Variants in ZFYVE1 observed in about 807,000 individuals in gnomAD.
ZFYVE1 encodes the protein zinc finger FYVE-type containing 1, also known as zinc finger FYVE domain-containing protein 1.
ZFYVE1 carries 30 observed loss-of-function variants against 74.4 expected under a neutral mutation model. The observed-to-expected ratio is 0.40, with a 90% CI of 0.30 to 0.55. ZFYVE1 has a LOEUF of 0.55. ZFYVE1 is among the 20% of genes least tolerant of loss of function. ZFYVE1 has a pLI of 0.42. For missense variants in ZFYVE1, 703 were observed against 1,011.6 expected, an observed-to-expected ratio of 0.69 and a Z score of 4.14; for synonymous variants, 335 against 385.1, an observed-to-expected ratio of 0.87 and a Z score of 1.52.
At chr14:73,008,288 T>C (rs979142277) in intron 2 of ZFYVE1, among the ~76,000 whole-genome samples, 4 of 152,224 alleles carry the variant, frequency 2.6e-5, no homozygotes, top group African/African-American at 9.6e-5. Flanking sequence ...GCTTCCTAAG[T>C]AGCTGGGATT....
chr14:73,000,476 C>T (rs1567356829), intron 2 of ZFYVE1, among the ~76,000 whole-genome samples: 1 of 151,904 alleles, frequency 6.6e-6, no homozygotes, highest in South Asian at 2.1e-4. Flanking sequence ...TGGTGGTATG[C>T]GCCTGTAATC....
chr14:72,979,589 G>A (rs1367794334), intron 5 of ZFYVE1, among the ~76,000 whole-genome samples: 2 of 151,748 alleles, frequency 1.3e-5, no homozygotes, highest in African/African-American at 2.4e-5. Flanking sequence ...AGGAGGCGGA[G>A]GTTGCAGTAA....
At chr14:72,993,401 TAAAA>T (rs374753534) in intron 3 of ZFYVE1, 44 bp from the exon 4 acceptor site, 39 of 1,225,952 alleles carry the variant, frequency 3.2e-5, no homozygotes, top group South Asian at 1.1e-4. Flanking sequence ...GAGTGACATT[TAAAA>T]AAAAAAAAAA....
At chr14:73,005,567 G>C (rs1308637336) in intron 2 of ZFYVE1, among the ~76,000 whole-genome samples, 1 of 152,180 alleles carries the variant, frequency 6.6e-6, no homozygotes, top group African/African-American at 2.4e-5. Flanking sequence ...GCCACTACAG[G>C]CTTTGAAACC....
intron 2 of ZFYVE1, 66 bp downstream of exon 2, chr14:73,023,960 G>A (rs570708935): frequency 2.6e-6 from 4 of 1,547,296 alleles, no homozygotes; most frequent in Admixed American, 1.9e-5. Flanking sequence ...ATCGTTTTTT[G>A]AGAGCTGGCT....
intron 2 of ZFYVE1, among the ~76,000 whole-genome samples, chr14:73,009,071 G>A (rs1171061889): frequency 6.6e-6 from 1 of 152,128 alleles, no homozygotes; most frequent in Admixed American, 6.6e-5. Flanking sequence ...AGTGCCTGAC[G>A]CAAAATAGGA....
chr14:72,997,548 A>G (rs1177258674), intron 3 of ZFYVE1, among the ~76,000 whole-genome samples: 1 of 152,010 alleles, frequency 6.6e-6, no homozygotes, highest in Non-Finnish European at 1.5e-5. Flanking sequence ...ACCCCCCACC[A>G]TCTCAGGGAA....
intron 3 of ZFYVE1, among the ~76,000 whole-genome samples, chr14:72,997,370 AT>A (rs147301387): frequency 1.5e-4 from 22 of 149,550 alleles, no homozygotes; most frequent in South Asian, 4.2e-4. Flanking sequence ...TCCTAATCTT[AT>A]TTTTTTTTTA....
intron 2 of ZFYVE1, among the ~76,000 whole-genome samples, chr14:73,011,542 T>TG (rs1894091810): frequency 6.6e-6 from 1 of 151,714 alleles, no homozygotes; most frequent in African/African-American, 2.4e-5. Flanking sequence ...ATTTTTGAGA[T>TG]GGAGTCTTGC....
At chr14:73,004,727 G>C (rs1459414919) in intron 2 of ZFYVE1, among the ~76,000 whole-genome samples, 4 of 152,148 alleles carry the variant, frequency 2.6e-5, no homozygotes, top group African/African-American at 9.7e-5. Flanking sequence ...GCCAGGTGCA[G>C]TGGCTCACAC....
chr14:72,990,742 G>A (rs371066749), intron 4 of ZFYVE1, among the ~76,000 whole-genome samples: 2 of 127,068 alleles, frequency 1.6e-5, no homozygotes, highest in African/African-American at 3.0e-5. Context: ...CTGTTGCCTG[G>A]GCTAGAGTAC....
Position 72,974,091 on chromosome 14 carries a change from T to C in ZFYVE1, c.2090A>G (p.Asp697Gly). The change falls in exon 11 of 12, where the codon GAC becomes GGC. Residue 697 changes from aspartate to glycine, a missense_variant. Around this residue, in one of 2 missense-constraint regions of ZFYVE1, gnomAD observed 492 missense variants for 790.0 expected, o/e 0.62. Coordinates refer to ENST00000556143, the MANE Select transcript of ZFYVE1 (RefSeq NM_021260.4). ...ACTGCCAGGCCCACCTAGTGGTATG[T>C]CAATGGCTGTCACCACGGCTCCCAG... Reference protein sequence around the residue: ...NTLGAVVTAIDIPLGLVKDAA... With the variant: ...NTLGAVVTAIGIPLGLVKDAA... The C allele has an allele frequency of 6.2e-7, 1 of 1,613,906 alleles. No individual in the cohort carries two copies. Among genetic ancestry groups the C allele is most frequent in the Non-Finnish European group, 8.5e-7 (1 of 1,179,866 alleles).
Position 72,975,991 on chromosome 14 carries a change from G to C in ZFYVE1, c.1636-270C>G. On this transcript the variant is annotated intron_variant, in intron 8 of 11. Transcript: ENST00000556143. The surrounding 1 kb of genome is among the most constrained non-coding windows in gnomAD (Gnocchi z 4.1). ...TCCTCCAGGGGGCCCCGCACCGCAG[G>C]CTGAGTTAAGAACCTTTCCTCTCAG... 5.7e-6 allele frequency: 2 copies of C among 352,734 alleles called. No individual in the cohort carries two copies. Among genetic ancestry groups the C allele is most frequent in the Non-Finnish European group, 1.0e-5 (2 of 194,356 alleles). 21.9% of individuals were successfully genotyped at this position (352,734 alleles called of 1,614,324 possible).
At chr14:72,983,449 G>C (rs1893395585) in intron 4 of ZFYVE1, among the ~76,000 whole-genome samples, 1 of 149,532 alleles carries the variant, frequency 6.7e-6, no homozygotes, top group Non-Finnish European at 1.5e-5. Context: ...AGAACATGCG[G>C]TGTTTGGTTT....
At chr14:73,025,215 C>T (rs1303570073) in intron 1 of ZFYVE1, among the ~76,000 whole-genome samples, 1 of 151,770 alleles carries the variant, frequency 6.6e-6, no homozygotes, top group South Asian at 2.1e-4. Context: ...ATTACACGCG[C>T]TAGCCACAAT....
At position 72,974,786 on chromosome 14, in the gene ZFYVE1, G is replaced by A. The variant is rs907132480; in HGVS notation, c.1980C>T (p.Val660=). The A allele has an allele frequency of 1.9e-6, 3 of 1,597,752 alleles. No individual in the cohort carries two copies. Among genetic ancestry groups the A allele is most frequent in the Non-Finnish European group, 2.6e-6 (3 of 1,167,540 alleles). The part of the protein sequence containing the change: ...VCDNCYEARN[V]QLAVTEAQVD... ...TCCCAGGTCCCACGTTACCTAACTG[G>A]ACGTTCCTGGCTTCGTAGCAGTTGT... The change falls in exon 10 of 12, where the codon GTC becomes GTT. Residue 660 remains valine (V), a synonymous_variant. Transcript: ENST00000556143.
chr14:73,018,355 C>G (rs150230246), intron 2 of ZFYVE1, among the ~76,000 whole-genome samples: 3 of 145,490 alleles, frequency 2.1e-5, no homozygotes, highest in African/African-American at 7.6e-5. Flanking sequence ...CGCTTGAACC[C>G]GGGAGGCGGA....
At chr14:72,987,831 C>T (rs763645777) in intron 4 of ZFYVE1, among the ~76,000 whole-genome samples, 1 of 152,040 alleles carries the variant, frequency 6.6e-6, no homozygotes, top group African/African-American at 2.4e-5. Flanking sequence ...GGACATAAGC[C>T]AGCTAGAAAA....
chr14:72,977,981 G>A lies in ZFYVE1; in HGVS notation c.1581C>T (p.Asn527=). ...VYRSRQYWFG[N]QDPVDTVVRT... ...GCACCACCGTATCCACAGGATCTTGGTTTCCAAACCAGTACTGCCGACTAC... is the reference window on the plus strand; with the variant it reads ...GCACCACCGTATCCACAGGATCTTGATTTCCAAACCAGTACTGCCGACTAC... Residue 527 remains asparagine, a synonymous_variant, in exon 8 of 12, where the codon AAC becomes AAT. Transcript: ENST00000556143. 6.2e-7 allele frequency: 1 copy of A among 1,614,182 alleles called. No individual in the cohort carries two copies. The highest frequency in any genetic ancestry group is 8.5e-7 in the Non-Finnish European group (1 of 1,180,054).
Sources: gnomAD v4.1 joint callset for allele counts (sites outside exome capture counted in the v4.1 genomes callset) on GRCh38, gnomAD v4.1.1 for gene constraint, gnomAD v4.1.1 regional missense constraint, Gnocchi (gnomAD v3.1) non-coding constraint, MANE v1.5 for transcripts, NCBI Gene and HGNC (gene_info 2026-07-23, HGNC 2026-07-21) for gene names.